The following NCAM1 variants were observed in gnomAD, a reference collection of about 807,000 sequenced individuals.
The protein encoded by NCAM1 is antigen recognized by monoclonal antibody 5.1H11.
NCAM1 carries 14 observed loss-of-function variants against 109.8 expected under a neutral mutation model. The ratio of observed to expected loss-of-function variants is 0.13; its 90% CI spans 0.08 to 0.20. NCAM1 has a LOEUF of 0.20. Among genes scored for constraint, NCAM1 ranks in the 10% least tolerant of loss-of-function variants. The probability of loss-of-function intolerance (pLI) is 1.00; values close to 1 mark genes in which losing one functional copy is unlikely to be tolerated. For missense variants in NCAM1, 774 were observed against 1,109.9 expected, an observed-to-expected ratio of 0.70 and a Z score of 4.30; for synonymous variants, 418 against 442.9, an observed-to-expected ratio of 0.94 and a Z score of 0.70.
intron 1 of NCAM1, among the ~76,000 whole-genome samples, chr11:113,005,571 T>G (rs1396441449): frequency 6.6e-6 from 1 of 152,162 alleles, no homozygotes; most frequent in East Asian, 1.9e-4. Flanking sequence ...GCATCTCCAT[T>G]TCTGTTCATA....
intron 1 of NCAM1, among the ~76,000 whole-genome samples, chr11:113,045,375 C>T (rs1286676143): frequency 6.6e-6 from 1 of 152,048 alleles, no homozygotes; most frequent in East Asian, 1.9e-4. Flanking sequence ...AGTCAGGCTT[C>T]GGCAGCTCGG....
At chr11:113,237,945 T>TAGATATATAGATAGATAG (rs1397593284) in intron 14 of NCAM1, among the ~76,000 whole-genome samples, 1 of 56,744 alleles carries the variant, frequency 1.8e-5, no homozygotes, top group Non-Finnish European at 4.2e-5. Flanking sequence ...TAGATATATA[T>TAGATATATAGATAGATAG]ATAGATATAT....
intron 1 of NCAM1, among the ~76,000 whole-genome samples, chr11:113,034,953 G>A (rs1555078918): frequency 6.6e-6 from 1 of 152,156 alleles, no homozygotes; most frequent in African/African-American, 2.4e-5. Context: ...ACGTTAAGAA[G>A]ACTCTGTTAA....
intron 14 of NCAM1, among the ~76,000 whole-genome samples, chr11:113,242,183 C>T (rs1945346776): frequency 6.6e-6 from 1 of 152,182 alleles, no homozygotes; most frequent in Non-Finnish European, 1.5e-5. Context: ...GTGAAGAACA[C>T]AAAACATACT....
intron 1 of NCAM1, among the ~76,000 whole-genome samples, chr11:113,181,630 C>T (rs1321802435): frequency 6.6e-6 from 1 of 152,080 alleles, no homozygotes; most frequent in Non-Finnish European, 1.5e-5. Context: ...GCATGTTTAC[C>T]TATGCAACAA....
chr11:113,197,601 C>T (rs1449003600), intron 1 of NCAM1, among the ~76,000 whole-genome samples: 2 of 152,192 alleles, frequency 1.3e-5, no homozygotes, highest in African/African-American at 4.8e-5. Context: ...GGTGTGTCTA[C>T]ATTGGCCTTG....
chr11:113,142,531 G>A (rs1026089355), intron 1 of NCAM1, among the ~76,000 whole-genome samples: 1 of 152,080 alleles, frequency 6.6e-6, no homozygotes, highest in Non-Finnish European at 1.5e-5. Context: ...GTGTGTTTTT[G>A]GTTCATATGC....
At chr11:113,131,445 A>T (rs1941376358) in intron 1 of NCAM1, among the ~76,000 whole-genome samples, 1 of 152,224 alleles carries the variant, frequency 6.6e-6, no homozygotes. Flanking sequence ...TGTAAGGAAC[A>T]ACACACATGC....
chr11:113,067,064 G>C (rs569063148), intron 1 of NCAM1, among the ~76,000 whole-genome samples: 4 of 149,592 alleles, frequency 2.7e-5, no homozygotes, highest in Non-Finnish European at 5.9e-5. Flanking sequence ...CACATTTCTT[G>C]TGATAGTGCT....
chr11:113,254,913 C>T (rs1295946348), intron 15 of NCAM1, among the ~76,000 whole-genome samples: 1 of 152,186 alleles, frequency 6.6e-6, no homozygotes, highest in Non-Finnish European at 1.5e-5. Flanking sequence ...TTATTACTTT[C>T]AGCATATATT....
intron 15 of NCAM1, among the ~76,000 whole-genome samples, chr11:113,253,948 G>A (rs1031582242): frequency 1.3e-5 from 2 of 152,182 alleles, no homozygotes; most frequent in Admixed American, 6.5e-5. Flanking sequence ...CAGACTAACC[G>A]GGATGAGTTG....
intron 1 of NCAM1, among the ~76,000 whole-genome samples, chr11:113,138,906 A>T (rs1238184879): frequency 6.6e-6 from 1 of 152,200 alleles, no homozygotes; most frequent in Non-Finnish European, 1.5e-5. Context: ...CAATGTAGGA[A>T]TCCTTCTGCC....
chr11:113,096,524 G>T (rs1939604747), intron 1 of NCAM1, among the ~76,000 whole-genome samples: 1 of 152,028 alleles, frequency 6.6e-6, no homozygotes, highest in African/African-American at 2.4e-5. Context: ...CCAGCTCCGA[G>T]GTCAGGGAAT....
intron 9 of NCAM1, among the ~76,000 whole-genome samples, chr11:113,228,530 C>G (rs1944912926): frequency 6.6e-6 from 1 of 152,146 alleles, no homozygotes; most frequent in African/African-American, 2.4e-5. Context: ...AGATTCAATG[C>G]CATCCCCATC....
chr11:112,969,395 A>T (rs1239447628), intron 1 of NCAM1, among the ~76,000 whole-genome samples: 5 of 152,158 alleles, frequency 3.3e-5, no homozygotes, highest in East Asian at 1.9e-4. Flanking sequence ...TAAGGCAAGG[A>T]TAATTTGAAT....
intron 1 of NCAM1, chr11:113,041,355 G>A (rs1555079966): frequency 6.6e-6 from 1 of 152,090 alleles, no homozygotes; most frequent in African/African-American, 2.4e-5. Flanking sequence ...TTGTGTTATA[G>A]CCTTGGGTAG....
At chr11:113,010,520 C>T (rs1248548469) in intron 1 of NCAM1, among the ~76,000 whole-genome samples, 2 of 152,088 alleles carry the variant, frequency 1.3e-5, no homozygotes, top group Admixed American at 1.3e-4. Context: ...TTCTATTCTC[C>T]AGAGTGCCTT....
chr11:113,207,236 C>T, intron 5 of NCAM1, 25 bp from the exon 6 acceptor site: 2 of 1,598,770 alleles, frequency 1.3e-6, no homozygotes, highest in East Asian at 2.2e-5. Context: ...TCACAACCAC[C>T]CCATGACACC....
At chr11:112,969,803 A>G (rs1950826715) in intron 1 of NCAM1, among the ~76,000 whole-genome samples, 2 of 152,210 alleles carry the variant, frequency 1.3e-5, no homozygotes, top group South Asian at 4.1e-4. Context: ...AAATAAATTT[A>G]AGGTTACTAT....
Sources: allele counts gnomAD v4.1 joint callset (sites outside exome capture counted in the v4.1 genomes callset), GRCh38; gene constraint gnomAD v4.1.1; transcripts MANE v1.5; gene names NCBI Gene and HGNC (gene_info 2026-07-23, HGNC 2026-07-21).